TIMP2: variants seen among roughly 807,000 people sequenced by gnomAD.
The protein encoded by TIMP2 is TIMP metallopeptidase inhibitor 2, also known as metalloproteinase inhibitor 2.
Under a neutral mutation model 24.3 loss-of-function variants are expected in TIMP2, and 5 were observed. The ratio of observed to expected loss-of-function variants is 0.21; its 90% CI spans 0.11 to 0.43. The LOEUF is 0.43. Ranked by LOEUF, TIMP2 falls within the 20% of genes least tolerant of loss-of-function variation. The pLI is 1.00. For synonymous variants in TIMP2, 130 were observed against 123.2 expected (o/e 1.06, Z -0.37); for missense variants, 221 against 297.5 (o/e 0.74, Z 1.89).
intron 1 of TIMP2, among the ~76,000 whole-genome samples, chr17:78,883,549 G>C (rs528224070): frequency 6.6e-6 from 1 of 152,184 alleles, no homozygotes; most frequent in African/African-American, 2.4e-5. Flanking sequence ...GAACAGAAGC[G>C]CAGCCTCAGC....
chr17:78,855,704 G>GGCGCC lies in TIMP2; in HGVS notation c.621_625dup (p.Pro209ArgfsTer38). On this transcript the variant is annotated frameshift_variant, in exon 5 of 5. Transcript: ENST00000262768. LOFTEE classifies it high-confidence loss of function. This position sits in a 1 kb window ranked among gnomAD's most constrained non-coding sequence, Gnocchi z 6.0. ...GATGTCGAGAAACTCCTGCTTGGGG[G>GGCGCC]GCGCCGCGCCGCGGTACCACGCACA... The GGCGCC allele has an allele frequency of 6.2e-7, 1 of 1,614,026 alleles. No individual in the cohort carries two copies. Among genetic ancestry groups the GGCGCC allele is most frequent in the Non-Finnish European group, 8.5e-7 (1 of 1,180,036 alleles).
At chr17:78,874,744 AT>A (rs36077675) in intron 1 of TIMP2, among the ~76,000 whole-genome samples, 103 of 137,982 alleles carry the variant, frequency 7.5e-4, no homozygotes, top group Admixed American at 1.1e-3. Flanking sequence ...CGCCCGGTTA[AT>A]TTTTTTTTTT....
intron 1 of TIMP2, among the ~76,000 whole-genome samples, chr17:78,895,884 G>T (rs1429996727): frequency 6.6e-6 from 1 of 152,208 alleles, no homozygotes; most frequent in Non-Finnish European, 1.5e-5. Context: ...CACACCCCTT[G>T]TCAACCAACA....
chr17:78,910,296 G>A (rs376602507), intron 1 of TIMP2, among the ~76,000 whole-genome samples: 20 of 151,582 alleles, frequency 1.3e-4, no homozygotes, highest in African/African-American at 4.4e-4. Context: ...GGGTTCAAGC[G>A]ATTCTCCTGC....
At position 78,918,048 on chromosome 17, in the gene TIMP2, G is replaced by A. The variant is rs377268295; in HGVS notation, c.130+6911C>T. 7.3e-3 allele frequency among the ~76,000 whole-genome samples: 660 copies of A among 90,394 alleles called. 3 individuals are homozygous for A. The highest frequency in any genetic ancestry group is 0.025 in the African/African-American group (633 of 25,790). 59.3% of individuals were successfully genotyped at this position (90,394 alleles called of 152,430 possible). On this transcript the variant is annotated intron_variant, in intron 1 of 4. Coordinates refer to ENST00000262768, the MANE Select transcript of TIMP2 (RefSeq NM_003255.5). ...CTGCCACTGTCCACAAAAAAAACACGTACGCGTGCACACACAAACACACAC... is the reference window on the plus strand; with the variant it reads ...CTGCCACTGTCCACAAAAAAAACACATACGCGTGCACACACAAACACACAC...
chr17:78,922,602 G>C (rs1203467870), intron 1 of TIMP2, among the ~76,000 whole-genome samples: 1 of 152,200 alleles, frequency 6.6e-6, no homozygotes, highest in Admixed American at 6.5e-5. Context: ...CGGATCACCT[G>C]AGGCCAGGAG....
chr17:78,881,718 T>C (rs1315696966), intron 1 of TIMP2, among the ~76,000 whole-genome samples: 1 of 152,258 alleles, frequency 6.6e-6, no homozygotes, highest in Non-Finnish European at 1.5e-5. Context: ...CCAATGGCAG[T>C]TGCAGGTGGA....
intron 1 of TIMP2, among the ~76,000 whole-genome samples, chr17:78,888,194 C>CT (rs1021490559): frequency 6.7e-6 from 1 of 149,096 alleles, no homozygotes; most frequent in African/African-American, 2.5e-5. Context: ...GAGTCTCGCT[C>CT]TGACACCCAG....
chr17:78,923,014 T>A (rs1345485135), intron 1 of TIMP2, among the ~76,000 whole-genome samples: 1 of 152,108 alleles, frequency 6.6e-6, no homozygotes, highest in Non-Finnish European at 1.5e-5. Flanking sequence ...AGAGAATCGA[T>A]TCCTGTTCTT....
Position 78,891,760 on chromosome 17 carries a change from C to A in TIMP2, c.131-17841G>T. 2 of 1,551,188 alleles carry A rather than the reference C, an allele frequency of 1.3e-6. No individual in the cohort carries two copies. Among genetic ancestry groups the A allele is most frequent in the Non-Finnish European group, 1.7e-6 (2 of 1,147,124 alleles). On this transcript the variant is annotated intron_variant, in intron 1 of 4. Coordinates refer to ENST00000262768, the MANE Select transcript of TIMP2 (RefSeq NM_003255.5). This position sits in a 1 kb window ranked among gnomAD's most constrained non-coding sequence, Gnocchi z 4.5. ...CGAGTGGGTTTGACCTTTCTAGGTC[C>A]GCCCCTTTGCTCCTCCGAGGATGGA...
intron 3 of TIMP2, among the ~76,000 whole-genome samples, chr17:78,861,896 C>T (rs987795789): frequency 6.6e-6 from 1 of 152,116 alleles, no homozygotes; most frequent in Non-Finnish European, 1.5e-5. Flanking sequence ...AGTTATTGGG[C>T]TAACATGAAC....
intron 1 of TIMP2, among the ~76,000 whole-genome samples, chr17:78,886,522 G>C (rs1379950687): frequency 6.6e-6 from 1 of 152,314 alleles, no homozygotes; most frequent in African/African-American, 2.4e-5. Flanking sequence ...TGGGCACAAG[G>C]CAAGTGCAGA....
At position 78,914,256 on chromosome 17, in the gene TIMP2, TATTC is replaced by T. The variant is rs1397872196; in HGVS notation, c.130+10699_130+10702del. 7.8e-3 allele frequency among the ~76,000 whole-genome samples: 766 copies of T among 97,790 alleles called. 10 individuals are homozygous for T. The highest frequency in any genetic ancestry group is 0.035 in the African/African-American group (727 of 20,920). The allele number at this position is 97,790 out of a possible 152,430, so 64.2% of individuals were successfully genotyped here. On this transcript the variant is annotated intron_variant, in intron 1 of 4. Transcript: ENST00000262768. ...ATTCATCTGCCTTCGAAATTTTGGC[TATTC>T]ATTTATTTATTTATTTATTTATTTA... is the stretch of plus-strand genomic sequence containing the variant.
At chr17:78,878,510 A>G (rs565342016) in intron 1 of TIMP2, among the ~76,000 whole-genome samples, 2 of 152,340 alleles carry the variant, frequency 1.3e-5, no homozygotes, top group South Asian at 4.1e-4. Context: ...CCACTCAGGT[A>G]CACAGACCCG....
chr17:78,911,075 G>A (rs73397233), intron 1 of TIMP2, among the ~76,000 whole-genome samples: 2,485 of 152,184 alleles, frequency 0.016, 70 homozygotes, highest in African/African-American at 0.056. Context: ...CCCACCCACC[G>A]CATATACGAG....
intron 1 of TIMP2, among the ~76,000 whole-genome samples, chr17:78,887,494 C>T (rs1353172290): frequency 1.3e-5 from 2 of 152,198 alleles, no homozygotes; most frequent in Non-Finnish European, 2.9e-5. Context: ...AAGCGATTCT[C>T]CTGCCTCAGC....
intron 1 of TIMP2, among the ~76,000 whole-genome samples, chr17:78,923,287 G>A (rs1452639896): frequency 1.3e-5 from 2 of 151,602 alleles, no homozygotes; most frequent in African/African-American, 4.8e-5. Context: ...CACACCCCAC[G>A]CAGAAACAGC....
rs1567989551 is a variant in TIMP2, at chr17:78,854,943, T to TGGGGGGGGGGGGGGGG, written c.*723_*724insCCCCCCCCCCCCCCCC. ...GGGCGGGGGGGGGGGGGTGGGGGGGTGGGTGCAGACCAAAAAGACTCAGCT... is the reference window on the plus strand; with the variant it reads ...GGGCGGGGGGGGGGGGGTGGGGGGGTGGGGGGGGGGGGGGGGGGGTGCAGACCAAAAAGACTCAGCT... On this transcript the variant is annotated 3_prime_UTR_variant, in exon 5 of 5. Coordinates refer to ENST00000262768, the MANE Select transcript of TIMP2 (RefSeq NM_003255.5). The TGGGGGGGGGGGGGGGG allele has an allele frequency of 3.8e-5, 1 of 26,452 alleles. No homozygotes were observed. Among genetic ancestry groups the TGGGGGGGGGGGGGGGG allele is most frequent in the Non-Finnish European group, 7.0e-5 (1 of 14,230 alleles). The allele number at this position is 26,452 out of a possible 1,614,324, so 1.6% of individuals were successfully genotyped here.
Position 78,925,155 on chromosome 17 carries a change from G to A in TIMP2, c.-67C>T, listed in dbSNP as rs945891141. ...GGTCCGGGCGCTGCTCGCGGCGGCG[G>A]GCTGGGGGCGCGGGCGGGGGCTGAG... On this transcript the variant is annotated 5_prime_UTR_variant, in exon 1 of 5. Coordinates refer to ENST00000262768, the MANE Select transcript of TIMP2 (RefSeq NM_003255.5). The A allele has an allele frequency of 7.3e-6, 5 of 683,004 alleles. No individual in the cohort carries two copies. The African/African-American group carries it at 9.8e-5, about 13-fold the overall frequency. 42.3% of individuals were successfully genotyped at this position (683,004 alleles called of 1,614,324 possible).
Sources: gnomAD v4.1 joint callset for allele counts (sites outside exome capture counted in the v4.1 genomes callset) on GRCh38, gnomAD v4.1.1 for gene constraint, Gnocchi (gnomAD v3.1) non-coding constraint, MANE v1.5 for transcripts, NCBI Gene and HGNC (gene_info 2026-07-23, HGNC 2026-07-21) for gene names.